The following CFAP299 variants were observed in gnomAD, a reference collection of about 807,000 sequenced individuals.
CFAP299 encodes the protein cilia- and flagella-associated protein 299.
A neutral mutation model predicts 27.0 loss-of-function variants in CFAP299; 21 were observed. The ratio of observed to expected loss-of-function variants is 0.78; its 90% confidence interval spans 0.55 to 1.12. The LOEUF (loss-of-function observed/expected upper bound fraction) is 1.12, where lower values mean the gene tolerates loss of function less well. Ranked by LOEUF, CFAP299 falls within the 50% of genes most tolerant of loss-of-function variation. The pLI is 0.00. For synonymous variants in CFAP299, 104 were observed against 98.1 expected (o/e 1.06, Z -0.36); for missense variants, 310 against 276.6 (o/e 1.12, Z -0.86).
At chr4:80,864,897 C>T (rs72865142) in intron 3 of CFAP299, among the ~76,000 whole-genome samples, 1,650 of 152,136 alleles carry the variant, frequency 0.011, 25 homozygotes, top group African/African-American at 0.037. Context: ...TTATTATGCC[C>T]ATTTTATTAT....
chr4:80,759,488 GA>G (rs984426795), intron 3 of CFAP299, among the ~76,000 whole-genome samples: 20 of 152,246 alleles, frequency 1.3e-4, no homozygotes, highest in Non-Finnish European at 2.8e-4. Flanking sequence ...TAAAAACCAT[GA>G]AAGAAAAATG....
chr4:80,659,974 AT>A (rs1740755304), intron 3 of CFAP299, among the ~76,000 whole-genome samples: 1 of 152,120 alleles, frequency 6.6e-6, no homozygotes, highest in South Asian at 2.1e-4. Context: ...ATTGGGTGAA[AT>A]TTTATGGGAA....
At chr4:80,562,648 A>G (rs2110223408) in intron 2 of CFAP299, among the ~76,000 whole-genome samples, 1 of 142,572 alleles carries the variant, frequency 7.0e-6, no homozygotes. Flanking sequence ...ATACAGCGAG[A>G]CTCAATTTCA....
intron 3 of CFAP299, among the ~76,000 whole-genome samples, chr4:80,677,998 C>T (rs984305490): frequency 1.3e-5 from 2 of 152,022 alleles, no homozygotes; most frequent in African/African-American, 4.8e-5. Flanking sequence ...CTTGGGAAAT[C>T]CCCATTTCAG....
chr4:80,851,217 T>C (rs1731503508), intron 3 of CFAP299, among the ~76,000 whole-genome samples: 1 of 152,148 alleles, frequency 6.6e-6, no homozygotes, highest in Non-Finnish European at 1.5e-5. Flanking sequence ...CTAAGGAGCA[T>C]CTATATAAAG....
At chr4:80,665,547 A>G (rs1000724167) in intron 3 of CFAP299, among the ~76,000 whole-genome samples, 2 of 152,112 alleles carry the variant, frequency 1.3e-5, no homozygotes, top group African/African-American at 4.8e-5. Context: ...TTCATTCTCT[A>G]GATGTGTCTT....
At chr4:80,891,778 T>TAAAAAAAAAAAAAAAAAAAAAAAA (rs1200985883) in intron 4 of CFAP299, among the ~76,000 whole-genome samples, 1 of 25,596 alleles carries the variant, frequency 3.9e-5, no homozygotes. Flanking sequence ...AAAAAAAAAT[T>TAAAAAAAAAAAAAAAAAAAAAAAA]AAAAAAAAAA....
At chr4:80,661,311 G>A (rs1179972658) in intron 3 of CFAP299, among the ~76,000 whole-genome samples, 1 of 137,044 alleles carries the variant, frequency 7.3e-6, no homozygotes, top group Non-Finnish European at 1.5e-5. Context: ...GGGTGACAGA[G>A]CACAACTCCA....
At chr4:80,420,197 C>A (rs1049567346) in intron 2 of CFAP299, 15 of 455,958 alleles carry the variant, frequency 3.3e-5, no homozygotes, top group Non-Finnish European at 3.5e-5. Flanking sequence ...GTAAATGTTT[C>A]TTTCGGACTT....
intron 4 of CFAP299, among the ~76,000 whole-genome samples, chr4:80,928,729 T>C (rs1465268207): frequency 6.6e-6 from 1 of 152,154 alleles, no homozygotes; most frequent in African/African-American, 2.4e-5. Flanking sequence ...TACTTATCCA[T>C]AAAATCTCTT....
At chr4:80,419,038 C>T (rs1449810542) in intron 2 of CFAP299, among the ~76,000 whole-genome samples, 1 of 152,278 alleles carries the variant, frequency 6.6e-6, no homozygotes, top group Non-Finnish European at 1.5e-5. Flanking sequence ...TATATCCATA[C>T]AGGTCTGCAG....
intron 3 of CFAP299, among the ~76,000 whole-genome samples, chr4:80,823,469 A>G (rs570053193): frequency 1.2e-4 from 19 of 152,312 alleles, no homozygotes; most frequent in South Asian, 6.2e-4. Context: ...ATTCTTATGT[A>G]GGTACATTGG....
chr4:80,923,720 G>C (rs539900299), intron 4 of CFAP299, among the ~76,000 whole-genome samples: 1 of 152,050 alleles, frequency 6.6e-6, no homozygotes, highest in Admixed American at 6.6e-5. Flanking sequence ...AGGGCTCTTT[G>C]TCTTTCCTTG....
rs553616051 is a variant in CFAP299, at chr4:80,551,874, G to A, written c.243-31219G>A. 2.3e-4 allele frequency among the ~76,000 whole-genome samples: 35 copies of A among 151,920 alleles called. No homozygotes were observed. In the South Asian group the frequency reaches 4.2e-3, roughly 18 times the overall value. On this transcript the variant is annotated intron_variant, in intron 2 of 5. Coordinates refer to ENST00000358105, the MANE Select transcript of CFAP299 (RefSeq NM_152770.3). Reference sequence around the variant, plus strand: ...GTGATTTTTCCTGCCTCAGCCTCCCGAATAGCTGGGACTACAGGCACGTGC... The same window carrying A: ...GTGATTTTTCCTGCCTCAGCCTCCCAAATAGCTGGGACTACAGGCACGTGC...
chr4:80,771,832 T>C (rs1726231592), intron 3 of CFAP299, among the ~76,000 whole-genome samples: 1 of 152,206 alleles, frequency 6.6e-6, no homozygotes, highest in African/African-American at 2.4e-5. Context: ...GTTGCAAGCA[T>C]TGATTTCCTC....
At chr4:80,387,363 G>T in intron 2 of CFAP299, 2 of 1,350,684 alleles carry the variant, frequency 1.5e-6, no homozygotes, top group Non-Finnish European at 1.1e-6. Flanking sequence ...TCGTTCTTAT[G>T]CTGGGTCATG....
At chr4:80,446,805 T>C (rs1440950633) in intron 2 of CFAP299, among the ~76,000 whole-genome samples, 1 of 152,234 alleles carries the variant, frequency 6.6e-6, no homozygotes, top group Non-Finnish European at 1.5e-5. Context: ...TATCAATGAC[T>C]CTTAACCCAG....
chr4:80,572,506 A>ATTTTTTTTTTTTTTTTT, intron 2 of CFAP299, among the ~76,000 whole-genome samples: 1 of 28,270 alleles, frequency 3.5e-5, no homozygotes, highest in Non-Finnish European at 1.1e-4. Flanking sequence ...ACTGGATCCC[A>ATTTTTTTTTTTTTTTTT]GTTTTTTTTT....
At chr4:80,892,183 G>A (rs1252201606) in intron 4 of CFAP299, among the ~76,000 whole-genome samples, 1 of 152,046 alleles carries the variant, frequency 6.6e-6, no homozygotes, top group Non-Finnish European at 1.5e-5. Flanking sequence ...AGACAGAATA[G>A]AGAACCCGGA....
Sources: gnomAD v4.1 joint callset for allele counts (sites outside exome capture counted in the v4.1 genomes callset) on GRCh38, gnomAD v4.1.1 for gene constraint, MANE v1.5 for transcripts, NCBI Gene and HGNC (gene_info 2026-07-23, HGNC 2026-07-21) for gene names.